The following HPSE2 variants were observed in gnomAD, a reference collection of about 807,000 sequenced individuals.
HPSE2 encodes the protein inactive heparanase-2.
In HPSE2, 38 loss-of-function variants were observed where a neutral mutation model predicts 60.5. The observed-to-expected ratio is 0.63, with a 90% confidence interval of 0.48 to 0.82. The LOEUF (loss-of-function observed/expected upper bound fraction) is 0.82, where lower values mean the gene tolerates loss of function less well. Among genes scored for constraint, HPSE2 ranks in the 40% least tolerant of loss-of-function variants. The pLI is 0.00. For missense variants in HPSE2, 713 were observed against 740.4 expected (o/e 0.96, Z 0.43); for synonymous variants, 295 against 293.2 (o/e 1.01, Z -0.06).
chr10:98,578,129 G>A (rs1239341511), intron 9 of HPSE2, among the ~76,000 whole-genome samples: 1 of 152,172 alleles, frequency 6.6e-6, no homozygotes, highest in Non-Finnish European at 1.5e-5. Flanking sequence ...AATTCAGAAG[G>A]TTTCTTCTTG....
chr10:98,834,056 TAAGA>T (rs1350704401), intron 3 of HPSE2, among the ~76,000 whole-genome samples: 1 of 151,986 alleles, frequency 6.6e-6, no homozygotes, highest in African/African-American at 2.4e-5. Flanking sequence ...TACATATCAC[TAAGA>T]AAGAAAAAAA....
intron 9 of HPSE2, among the ~76,000 whole-genome samples, chr10:98,499,574 C>A (rs903374120): frequency 2.0e-5 from 3 of 152,036 alleles, no homozygotes; most frequent in Non-Finnish European, 4.4e-5. Flanking sequence ...CACACAGGAC[C>A]TATAAAACAA....
chr10:98,656,778 T>TTTG (rs1565053834), intron 6 of HPSE2, among the ~76,000 whole-genome samples: 1 of 149,562 alleles, frequency 6.7e-6, no homozygotes. Context: ...TTTTTTTTTT[T>TTTG]GGGATGGAGT....
intron 3 of HPSE2, chr10:99,013,793 CT>C: frequency 6.9e-6 from 2 of 291,886 alleles, no homozygotes; most frequent in South Asian, 3.8e-5. Flanking sequence ...ATCACTATCT[CT>C]TTTACATTAC....
At chr10:98,820,944 T>C (rs991078723) in intron 3 of HPSE2, among the ~76,000 whole-genome samples, 2 of 152,234 alleles carry the variant, frequency 1.3e-5, no homozygotes, top group South Asian at 2.1e-4. Context: ...GATCTTGCTG[T>C]TGATTTCTCA....
intron 3 of HPSE2, among the ~76,000 whole-genome samples, chr10:99,050,300 T>C (rs1320945186): frequency 2.0e-5 from 3 of 147,460 alleles, no homozygotes; most frequent in Non-Finnish European, 3.0e-5. Context: ...AGACTCTGTC[T>C]CAAAAAAAAA....
intron 2 of HPSE2, among the ~76,000 whole-genome samples, chr10:99,213,995 T>C (rs927006085): frequency 1.3e-5 from 2 of 152,158 alleles, no homozygotes; most frequent in African/African-American, 4.8e-5. Flanking sequence ...TGAAAAACTC[T>C]TACAACTCAA....
At chr10:99,252,113 T>C in the HPSE2 span, among the ~76,000 whole-genome samples, 2 of 151,970 alleles carry the variant, frequency 1.3e-5, no homozygotes, top group Non-Finnish European at 1.5e-5. Context: ...GATAAAATCT[T>C]ACATCCCCTC....
At chr10:98,736,413 T>C (rs1949359847) in intron 4 of HPSE2, among the ~76,000 whole-genome samples, 1 of 152,172 alleles carries the variant, frequency 6.6e-6, no homozygotes, top group Admixed American at 6.5e-5. Flanking sequence ...AAATGTTTTC[T>C]GTAACTATCT....
intron 3 of HPSE2, among the ~76,000 whole-genome samples, chr10:98,792,273 T>G (rs904920391): frequency 1.3e-5 from 2 of 152,078 alleles, no homozygotes; most frequent in Admixed American, 6.5e-5. Flanking sequence ...ATCATCAAGG[T>G]GAAAATCAGT....
rs144492743 is a variant in HPSE2, at chr10:98,777,221, T to G, written c.611-33165A>C. 7.3e-3 allele frequency among the ~76,000 whole-genome samples: 1,110 copies of G among 152,246 alleles called. 11 individuals are homozygous for G. Among genetic ancestry groups the G allele is most frequent in the Non-Finnish European group, 0.013 (876 of 68,020 alleles). On this transcript the variant is annotated intron_variant, in intron 3 of 11. Transcript: ENST00000370552. The stretch of plus-strand genomic sequence containing the variant: ...AGGTTAAATTACCAAAGCCATTTAC[T>G]CTCATCCCTATCACCTTGGGCAGGC...
intron 3 of HPSE2, among the ~76,000 whole-genome samples, chr10:98,885,184 T>C (rs1044543338): frequency 6.6e-6 from 1 of 152,090 alleles, no homozygotes; most frequent in Non-Finnish European, 1.5e-5. Flanking sequence ...TCAGATGTGG[T>C]AGAAATAACA....
chr10:98,861,117 G>T (rs1952449186), intron 3 of HPSE2, among the ~76,000 whole-genome samples: 1 of 152,198 alleles, frequency 6.6e-6, no homozygotes, highest in Admixed American at 6.6e-5. Context: ...TAACATGTTT[G>T]ATAGGGAGCT....
At chr10:99,161,080 A>T (rs1371132951) in intron 2 of HPSE2, among the ~76,000 whole-genome samples, 1 of 150,378 alleles carries the variant, frequency 6.6e-6, no homozygotes, top group African/African-American at 2.5e-5. Flanking sequence ...AATTAGCCAG[A>T]CGTGGTGGCA....
intron 2 of HPSE2, among the ~76,000 whole-genome samples, chr10:99,202,353 T>C (rs1419442953): frequency 1.3e-5 from 2 of 152,196 alleles, no homozygotes; most frequent in Admixed American, 1.3e-4. Flanking sequence ...AGGATGCAAG[T>C]ATTTCTGATC....
chr10:98,915,658 T>C (rs1010389335), intron 3 of HPSE2, among the ~76,000 whole-genome samples: 1 of 152,208 alleles, frequency 6.6e-6, no homozygotes, highest in African/African-American at 2.4e-5. Context: ...CTCTGGTCTT[T>C]TCTGTGCTTG....
the HPSE2 span, among the ~76,000 whole-genome samples, chr10:99,289,466 C>T: frequency 6.6e-6 from 1 of 151,808 alleles, no homozygotes; most frequent in Admixed American, 6.6e-5. Context: ...AAATTGTTAT[C>T]CATGATTTTT....
chr10:99,106,915 G>T (rs546446768), intron 3 of HPSE2, among the ~76,000 whole-genome samples: 2 of 152,236 alleles, frequency 1.3e-5, no homozygotes, highest in East Asian at 3.9e-4. Flanking sequence ...CTATCACCCA[G>T]GCTGGAGTGC....
At chr10:99,081,934 C>A (rs1019270778) in intron 3 of HPSE2, among the ~76,000 whole-genome samples, 1 of 152,184 alleles carries the variant, frequency 6.6e-6, no homozygotes, top group African/African-American at 2.4e-5. Flanking sequence ...CCCCGCCCAG[C>A]CGATGATGAT....
Sources: allele counts gnomAD v4.1 joint callset (sites outside exome capture counted in the v4.1 genomes callset), GRCh38; gene constraint gnomAD v4.1.1; transcripts MANE v1.5; gene names NCBI Gene and HGNC (gene_info 2026-07-23, HGNC 2026-07-21).